Variants in KDM7A observed in about 807,000 individuals in gnomAD.
KDM7A encodes the protein lysine demethylase 7A.
In KDM7A, 28 loss-of-function variants were observed where a neutral mutation model predicts 114.8. The observed-to-expected ratio is 0.24, with a 90% confidence interval of 0.18 to 0.33. KDM7A has a LOEUF of 0.33. Among genes scored for constraint, KDM7A ranks in the 10% least tolerant of loss-of-function variants. KDM7A has a pLI of 1.00. For synonymous variants in KDM7A, 423 were observed against 397.8 expected, an observed-to-expected ratio of 1.06 and a Z score of -0.75; for missense variants, 942 against 1,142.5, an observed-to-expected ratio of 0.82 and a Z score of 2.53.
At chr7:140,092,222 A>G (rs1270780544) in intron 18 of KDM7A, 145 bp from the exon 19 acceptor site, 1 of 705,678 alleles carries the variant, frequency 1.4e-6, no homozygotes, top group Non-Finnish European at 2.3e-6. Flanking sequence ...ACGGATGACC[A>G]CTCCTGCATG....
rs115362547 is a variant in KDM7A at position 140,162,838 on chromosome 7, C to T, written c.194+13906G>A. On this transcript the variant is annotated intron_variant, in intron 1 of 19. Coordinates refer to ENST00000397560, the MANE Select transcript of KDM7A (RefSeq NM_030647.2). ...CAAAAGAGAAACCAACTCAAGAATC[C>T]ATCAAGAGAGGACCAGTTAAATTGT... Among the ~76,000 whole-genome samples, 655 of 152,202 alleles carry T rather than the reference C, an allele frequency of 4.3e-3. 8 individuals carry two copies. Among genetic ancestry groups the T allele is most frequent in the African/African-American group, 0.014 (596 of 41,530 alleles).
Position 140,176,897 on chromosome 7 carries a change from G to T in KDM7A, c.41C>A (p.Ala14Asp), listed in dbSNP as rs1262028355. Reference protein sequence around the residue: ...AAAAVAAGAAAGAAAAAVSVA... With the variant: ...AAAAVAAGAADGAAAAAVSVA... ...CGACACGGCTGCCGCGGCGGCTCCAGCTGCTGCTCCCGCGGCCACCGCCGC... is the reference window on the plus strand; with the variant it reads ...CGACACGGCTGCCGCGGCGGCTCCATCTGCTGCTCCCGCGGCCACCGCCGC... The change falls in exon 1 of 20, where the codon GCT (alanine) becomes GAT (aspartate). Residue 14 changes from alanine to aspartate, a missense_variant. Ala to Asp is a moderately radical substitution (Grantham distance 126). Around this residue, in one of 4 missense-constraint regions of KDM7A, gnomAD observed 112 missense variants for 96.2 expected, o/e 1.16. Transcript: ENST00000397560. This position sits in a 1 kb window ranked among gnomAD's most constrained non-coding sequence, Gnocchi z 4.4. The T allele has an allele frequency of 1.7e-6, 2 of 1,187,288 alleles. No homozygotes were observed. Among genetic ancestry groups the T allele is most frequent in the Non-Finnish European group, 2.1e-6 (2 of 951,292 alleles). The allele number at this position is 1,187,288 out of a possible 1,614,324, so 73.5% of individuals were successfully genotyped here. A position where few individuals can be genotyped will look rare whatever the true frequency, so the allele number is the denominator to read the frequency against.
intron 12 of KDM7A, among the ~76,000 whole-genome samples, chr7:140,100,665 TATATATATATATATAC>T (rs1818187322): frequency 2.5e-5 from 1 of 40,660 alleles, no homozygotes; most frequent in African/African-American, 9.9e-5. Context: ...AAAAGTTATA[TATATATATATATATAC>T]ATATATACAT....
intron 1 of KDM7A, among the ~76,000 whole-genome samples, chr7:140,163,245 GA>G (rs1296006844): frequency 1.3e-5 from 2 of 151,780 alleles, no homozygotes; most frequent in Non-Finnish European, 2.9e-5. Context: ...CCACCTGCCT[GA>G]GCCTCCCAAA....
chr7:140,095,049 T>C (rs1471797620), intron 17 of KDM7A, among the ~76,000 whole-genome samples: 16 of 152,214 alleles, frequency 1.1e-4, no homozygotes, highest in Admixed American at 1.0e-3. Context: ...GGTTTCTCCA[T>C]GTTGGTCAGG....
chr7:140,144,297 A>C (rs1293315500), intron 1 of KDM7A, among the ~76,000 whole-genome samples: 2 of 152,378 alleles, frequency 1.3e-5, no homozygotes, highest in East Asian at 3.9e-4. Context: ...GACAACATAC[A>C]TATGCAAAAG....
intron 1 of KDM7A, among the ~76,000 whole-genome samples, chr7:140,152,548 C>T (rs535041952): frequency 8.1e-5 from 8 of 99,208 alleles, no homozygotes; most frequent in Non-Finnish European, 1.3e-4. Context: ...CACTTGATCC[C>T]GGGAGGCGGA....
chr7:140,117,772 T>G (rs1818555543), intron 9 of KDM7A, among the ~76,000 whole-genome samples: 1 of 152,226 alleles, frequency 6.6e-6, no homozygotes, highest in Admixed American at 6.5e-5. Flanking sequence ...CATTGTGACA[T>G]TCCCACAGCC....
At position 140,088,955 on chromosome 7, in the gene KDM7A, G is replaced by C. The variant is rs1817977221; in HGVS notation, c.*2139C>G. ...ACTCAAGAGCTGTGAAAAACGTAAA[G>C]GAAAAAAGAAAACCCAGATCATGAT... On this transcript the variant is annotated 3_prime_UTR_variant, in exon 20 of 20. Coordinates refer to ENST00000397560, the MANE Select transcript of KDM7A (RefSeq NM_030647.2). 1 of 152,418 alleles carries C rather than the reference G, an allele frequency of 6.6e-6. No homozygotes were observed. Among genetic ancestry groups the C allele is most frequent in the Admixed American group, 6.6e-5 (1 of 15,254 alleles). 9.4% of individuals were successfully genotyped at this position (152,418 alleles called of 1,614,324 possible). A position where few individuals can be genotyped will look rare whatever the true frequency, so the allele number is the denominator to read the frequency against.
intron 1 of KDM7A, among the ~76,000 whole-genome samples, chr7:140,147,357 T>C (rs1794349994): frequency 1.3e-5 from 2 of 152,200 alleles, no homozygotes; most frequent in African/African-American, 2.4e-5. Flanking sequence ...TAAAATTCTA[T>C]TCGGTTTGAA....
Position 140,088,277 on chromosome 7 carries a change from T to C in KDM7A, c.*2817A>G, listed in dbSNP as rs17161394. Reference sequence around the variant, plus strand: ...TATTGTTTACATCACTCATCAATATTGAAAAGCATAATATTATGTGACATT... The same window carrying C: ...TATTGTTTACATCACTCATCAATATCGAAAAGCATAATATTATGTGACATT... On this transcript the variant is annotated 3_prime_UTR_variant, in exon 20 of 20. Coordinates refer to ENST00000397560, the MANE Select transcript of KDM7A (RefSeq NM_030647.2). 8.2e-3 allele frequency: 3,046 copies of C among 372,050 alleles called. 21 individuals are homozygous for C. Among genetic ancestry groups the C allele is most frequent in the Non-Finnish European group, 0.012 (2,438 of 209,454 alleles). 23.0% of individuals were successfully genotyped at this position (372,050 alleles called of 1,614,324 possible).
Position 140,087,887 on chromosome 7 carries a change from G to C in KDM7A, c.*3207C>G, listed in dbSNP as rs892129088. On this transcript the variant is annotated 3_prime_UTR_variant, in exon 20 of 20. Transcript: ENST00000397560. The stretch of plus-strand genomic sequence containing the variant: ...AACAGGTCCTCTTTTGCTCATGTTT[G>C]CTTAGAAGTGAAAATAATACTGCTA... 6.6e-6 allele frequency: 1 copy of C among 152,152 alleles called. No homozygotes were observed. Among genetic ancestry groups the C allele is most frequent in the African/African-American group, 2.4e-5 (1 of 41,426 alleles). 9.4% of individuals were successfully genotyped at this position (152,152 alleles called of 1,614,324 possible).
At chr7:140,123,332 C>A (rs1206283241) in intron 7 of KDM7A, among the ~76,000 whole-genome samples, 2 of 152,084 alleles carry the variant, frequency 1.3e-5, no homozygotes, top group Non-Finnish European at 2.9e-5. Flanking sequence ...CTACTACAAG[C>A]TATATTTACC....
intron 2 of KDM7A, among the ~76,000 whole-genome samples, chr7:140,136,527 C>G (rs1818872246): frequency 6.6e-6 from 1 of 152,192 alleles, no homozygotes; most frequent in Non-Finnish European, 1.5e-5. Flanking sequence ...CTAAAGAAGA[C>G]AGAGAATACA....
At chr7:140,119,320 G>T in intron 8 of KDM7A, 101 bp from the exon 9 acceptor site, 1 of 577,890 alleles carries the variant, frequency 1.7e-6, no homozygotes, top group Non-Finnish European at 3.0e-6. Context: ...TGATATGTAA[G>T]ACCAATAAAG....
At chr7:140,096,059 A>T (rs767005909) in intron 17 of KDM7A, among the ~76,000 whole-genome samples, 4 of 152,130 alleles carry the variant, frequency 2.6e-5, no homozygotes, top group Non-Finnish European at 5.9e-5. Flanking sequence ...CATTTTCTCT[A>T]AAGGCACAAG....
At chr7:140,153,443 G>A (rs575465924) in intron 1 of KDM7A, among the ~76,000 whole-genome samples, 6 of 151,092 alleles carry the variant, frequency 4.0e-5, no homozygotes, top group East Asian at 2.0e-4. Flanking sequence ...CCGAGATCAC[G>A]CCAGTGCACT....
intron 10 of KDM7A, among the ~76,000 whole-genome samples, chr7:140,111,868 C>T (rs1019776154): frequency 2.6e-5 from 4 of 151,742 alleles, no homozygotes; most frequent in African/African-American, 4.8e-5. Context: ...TCACTTGAAC[C>T]CAGGAAGTGG....
At chr7:140,112,131 T>G (rs1818443854) in intron 10 of KDM7A, among the ~76,000 whole-genome samples, 1 of 152,234 alleles carries the variant, frequency 6.6e-6, no homozygotes, top group Non-Finnish European at 1.5e-5. Flanking sequence ...ATAAGGTCTT[T>G]CACAGTGGAG....
Sources: allele counts gnomAD v4.1 joint callset (sites outside exome capture counted in the v4.1 genomes callset), GRCh38; gene constraint gnomAD v4.1.1; regional missense constraint gnomAD v4.1.1; non-coding constraint Gnocchi (gnomAD v3.1); transcripts MANE v1.5; gene names NCBI Gene and HGNC (gene_info 2026-07-23, HGNC 2026-07-21).